CES4A: variants seen among roughly 807,000 people sequenced by gnomAD.
CES4A encodes carboxylesterase 4A.
Under a neutral mutation model 65.4 loss-of-function variants are expected in CES4A, and 48 were observed. That is an observed-to-expected ratio of 0.73 (90% CI 0.58 to 0.93). The LOEUF (loss-of-function observed/expected upper bound fraction) is 0.93, where lower values mean the gene tolerates loss of function less well. CES4A is among the 40% of genes least tolerant of loss of function. The probability of loss-of-function intolerance (pLI) is 0.00; values close to 1 mark genes in which losing one functional copy is unlikely to be tolerated. For missense variants in CES4A, 685 were observed against 728.5 expected (o/e 0.94, Z 0.69); for synonymous variants, 247 against 281.8 (o/e 0.88, Z 1.24).
chr16:66,995,851 A>G, intron 2 of CES4A, 22 bp downstream of exon 2: 2 of 1,606,106 alleles, frequency 1.2e-6, no homozygotes, highest in Non-Finnish European at 1.7e-6. Context: ...AGGCCTGTCC[A>G]CTGGGAGGGG....
chr16:67,006,942 T>G (rs1209603297), intron 13 of CES4A, 125 bp downstream of exon 13: 1 of 791,776 alleles, frequency 1.3e-6, no homozygotes, highest in Non-Finnish European at 2.0e-6. Flanking sequence ...CCAAACAGGG[T>G]GCCCCTTCTT....
chr16:67,001,276 C>G lies in CES4A; in HGVS notation c.537-32C>G, dbSNP rs1252854861. 6.4e-7 allele frequency: 1 copy of G among 1,559,798 alleles called. No individual in the cohort carries two copies. The highest frequency in any genetic ancestry group is 1.4e-5 in the African/African-American group (1 of 73,808). On this transcript the variant is annotated intron_variant, in intron 4 of 13. Coordinates refer to ENST00000648724, the Ensembl canonical transcript of CES4A. This position sits in a 1 kb window ranked among gnomAD's most constrained non-coding sequence, Gnocchi z 4.1. ...CCAACGCGCCCCGACTGTCGAGGCCCGGGACCCTGACAGTGAACCCCACAC... is the reference window on the plus strand; with the variant it reads ...CCAACGCGCCCCGACTGTCGAGGCCGGGGACCCTGACAGTGAACCCCACAC...
In CES4A at chr16:67,003,206, T is replaced by G. The variant is rs762411359; in HGVS notation, c.795+32T>G. 3.1e-6 allele frequency: 5 copies of G among 1,611,686 alleles called. No individual in the cohort carries two copies. Among genetic ancestry groups the G allele is most frequent in the Non-Finnish European group, 4.2e-6 (5 of 1,177,762 alleles). On this transcript the variant is annotated intron_variant, in intron 6 of 13. Transcript: ENST00000648724. The surrounding 1 kb of genome is among the most constrained non-coding windows in gnomAD (Gnocchi z 4.2). ...GCCTCTCCTTCCCCAGGGCTCAGCATGGAAGGGCAGGATGGAAGCACCACT... is the reference window on the plus strand; with the variant it reads ...GCCTCTCCTTCCCCAGGGCTCAGCAGGGAAGGGCAGGATGGAAGCACCACT...
rs771469912 is a variant in CES4A at position 67,003,512 on chromosome 16, T to C, written c.901-3T>C. On this transcript the variant is annotated splice_polypyrimidine_tract_variant and splice_region_variant and intron_variant, in intron 7 of 13. Coordinates refer to ENST00000648724, the Ensembl canonical transcript of CES4A. The surrounding 1 kb of genome is among the most constrained non-coding windows in gnomAD (Gnocchi z 4.2). ...AACTCTGATCCCTTCCTCTCCCCCA[T>C]AGAGATTCCTCCAACTGAACTTCCA... 2 of 1,613,206 alleles carry C rather than the reference T, an allele frequency of 1.2e-6. No homozygotes were observed. Among genetic ancestry groups the C allele is most frequent in the South Asian group, 2.2e-5 (2 of 91,056 alleles).
chr16:67,009,604 AGG>A, exon 14 of CES4A: 1 of 157,602 alleles, frequency 6.3e-6, no homozygotes, highest in Non-Finnish European at 1.4e-5. Flanking sequence ...CTGGAGGCCT[AGG>A]GCAGGTTGTG....
intron 11 of CES4A, chr16:67,005,848 CA>C (rs910095727): frequency 6.5e-4 from 102 of 157,044 alleles, no homozygotes; most frequent in East Asian, 1.7e-3. Flanking sequence ...GACTCCATCT[CA>C]AAAAAAAAAC....
intron 11 of CES4A, 156 bp downstream of exon 11, chr16:67,005,549 C>T (rs918752547): frequency 9.6e-6 from 7 of 727,502 alleles, no homozygotes; most frequent in Non-Finnish European, 1.5e-5. Flanking sequence ...ATGCTATCAA[C>T]TACAAGAGAG....
intron 1 of CES4A, among the ~76,000 whole-genome samples, chr16:66,993,762 G>T (rs576689469): frequency 3.3e-5 from 5 of 152,180 alleles, no homozygotes; most frequent in Admixed American, 1.3e-4. Flanking sequence ...ATATATGCGT[G>T]TATGATTTCT....
At chr16:67,006,812 C>T in exon 13 of CES4A, 1 of 1,614,072 alleles carries the variant, frequency 6.2e-7, no homozygotes, top group East Asian at 2.2e-5. Context: ...ACTTTGCCCG[C>T]ACAGGGTGAG....
exon 14 of CES4A, chr16:67,009,345 A>G (rs1966012029): frequency 5.6e-6 from 3 of 531,360 alleles, no homozygotes; most frequent in Non-Finnish European, 9.9e-6. Context: ...CTGACATCCC[A>G]TGATGCCCCT....
At chr16:67,005,160 C>G in intron 10 of CES4A, 80 bp from the exon 11 acceptor site, 1 of 1,441,888 alleles carries the variant, frequency 6.9e-7, no homozygotes, top group Non-Finnish European at 9.7e-7. Flanking sequence ...GGGGGCTGAG[C>G]ATGGATCCAA....
chr16:67,003,192 C>T lies in CES4A; in HGVS notation c.795+18C>T, dbSNP rs759410420. The T allele has an allele frequency of 1.2e-6, 2 of 1,610,876 alleles. No homozygotes were observed. The highest frequency in any genetic ancestry group is 1.1e-5 in the South Asian group (1 of 91,008). ...TGGCCAAGGTGAGTGCCTCTCCTTCCCCAGGGCTCAGCATGGAAGGGCAGG... is the reference window on the plus strand; with the variant it reads ...TGGCCAAGGTGAGTGCCTCTCCTTCTCCAGGGCTCAGCATGGAAGGGCAGG... On this transcript the variant is annotated intron_variant, in intron 6 of 13. Coordinates refer to ENST00000648724, the Ensembl canonical transcript of CES4A. This position sits in a 1 kb window ranked among gnomAD's most constrained non-coding sequence, Gnocchi z 4.2.
At chr16:66,996,030 G>GGTTTTT (rs779220269) in intron 2 of CES4A, 122 of 699,510 alleles carry the variant, frequency 1.7e-4, no homozygotes, top group Middle Eastern at 3.7e-4. Context: ...TGCTGCTGTT[G>GGTTTTT]GTTTTTGTTT....
chr16:67,007,019 AC>A (rs1965819516), intron 13 of CES4A: 3 of 570,030 alleles, frequency 5.3e-6, no homozygotes, highest in Non-Finnish European at 9.4e-6. Context: ...TTGATCCATG[AC>A]CCACACTCTT....
chr16:67,007,908 C>G (rs1262548290), intron 13 of CES4A: 3 of 152,068 alleles, frequency 2.0e-5, no homozygotes, highest in Admixed American at 6.6e-5. Flanking sequence ...CCTCAGCCTA[C>G]CGAGTAGCTG....
chr16:67,006,770 A>C, exon 13 of CES4A: 1 of 1,614,170 alleles, frequency 6.2e-7, no homozygotes, highest in Non-Finnish European at 8.5e-7. Context: ...AGGAGAAGGC[A>C]CTTAGCCTCC....
intron 1 of CES4A, 76 bp downstream of exon 1, chr16:66,988,906 C>T (rs1964159231): frequency 6.7e-7 from 1 of 1,487,996 alleles, no homozygotes. Flanking sequence ...CCAGTTCAAC[C>T]TCTCCTGGGG....
chr16:67,004,367 T>C, intron 9 of CES4A, 143 bp downstream of exon 9: 2 of 850,842 alleles, frequency 2.4e-6, no homozygotes, highest in Non-Finnish European at 3.7e-6. Flanking sequence ...TTTGGGAGCC[T>C]CCTGTAGTCC....
At chr16:66,989,849 C>G (rs1293739147) in intron 1 of CES4A, among the ~76,000 whole-genome samples, 2 of 150,920 alleles carry the variant, frequency 1.3e-5, no homozygotes, top group African/African-American at 4.9e-5. Flanking sequence ...GAGCGAAACT[C>G]TATCTCAAAA....
Sources: allele counts gnomAD v4.1 joint callset (sites outside exome capture counted in the v4.1 genomes callset), GRCh38; gene constraint gnomAD v4.1.1; non-coding constraint Gnocchi (gnomAD v3.1); transcripts MANE v1.5; gene names NCBI Gene and HGNC (gene_info 2026-07-23, HGNC 2026-07-21).